Variants in EYA1 observed in about 807,000 individuals in gnomAD.
The protein encoded by EYA1 is protein phosphatase EYA1.
Under a neutral mutation model 82.0 loss-of-function variants are expected in EYA1, and 16 were observed. The observed-to-expected ratio is 0.20, with a 90% CI of 0.13 to 0.30. EYA1 has a LOEUF of 0.30. Ranked by LOEUF, EYA1 falls within the 10% of genes least tolerant of loss-of-function variation. EYA1 has a pLI of 1.00. For synonymous variants in EYA1, 261 were observed against 264.4 expected, an observed-to-expected ratio of 0.99 and a Z score of 0.12; for missense variants, 633 against 730.7, an observed-to-expected ratio of 0.87 and a Z score of 1.54.
chr8:71,370,326 G>T (rs1011484405), intron 2 of EYA1, among the ~76,000 whole-genome samples: 1 of 150,020 alleles, frequency 6.7e-6, no homozygotes, highest in African/African-American at 2.5e-5. Flanking sequence ...AAGTTAGTTA[G>T]CTGGTCTATC....
chr8:71,256,770 TG>T (rs1205291651), intron 11 of EYA1, among the ~76,000 whole-genome samples: 2 of 152,108 alleles, frequency 1.3e-5, no homozygotes, highest in Admixed American at 1.3e-4. Context: ...GAGGCCAAGG[TG>T]GGTGGATCAC....
chr8:71,322,209 A>G lies in EYA1; in HGVS notation c.262T>C (p.Tyr88His), dbSNP rs534707284. 2 of 1,613,320 alleles carry G rather than the reference A, an allele frequency of 1.2e-6. No homozygotes were observed. The highest frequency in any genetic ancestry group is 1.7e-5 in the Admixed American group (1 of 60,028). Residue 88 changes from tyrosine (Y) to histidine (H), a missense_variant, in exon 5 of 18, where the codon TAC (tyrosine) becomes CAC (histidine). By Grantham distance (83) the Tyr-to-His change is moderately conservative (BLOSUM62 2). Coordinates refer to ENST00000340726, the MANE Select transcript of EYA1 (RefSeq NM_000503.6). ...GAAAATACATCTTACTTGGAAGGGT[A>G]AATCTGTGGTGGAGAGAACTGGTGA... The part of the protein sequence containing the change: ...PTHQFSPPQI[Y>H]PSNRPYPHIL...
chr8:71,212,890 A>G (rs1213540108), intron 16 of EYA1, among the ~76,000 whole-genome samples: 1 of 152,172 alleles, frequency 6.6e-6, no homozygotes, highest in African/African-American at 2.4e-5. Flanking sequence ...CAGCCTGGCT[A>G]ACATGGAGAA....
At chr8:71,448,932 A>G (rs1807123450) in intron 2 of EYA1, 1 of 165,692 alleles carries the variant, frequency 6.0e-6, no homozygotes, top group Non-Finnish European at 1.5e-5. Context: ...AAACATCAGT[A>G]AAGTAGTTCT....
At chr8:71,528,224 T>A (rs1293148684) in intron 2 of EYA1, among the ~76,000 whole-genome samples, 4 of 152,148 alleles carry the variant, frequency 2.6e-5, no homozygotes, top group African/African-American at 9.7e-5. Context: ...GCAATTTTCA[T>A]CTTTGTCACA....
At chr8:71,487,291 C>T (rs941451431) in intron 2 of EYA1, among the ~76,000 whole-genome samples, 4 of 152,124 alleles carry the variant, frequency 2.6e-5, no homozygotes, top group African/African-American at 9.7e-5. Context: ...CATTCTCAGG[C>T]TCAGTTTCAT....
intron 2 of EYA1, among the ~76,000 whole-genome samples, chr8:71,432,033 A>G (rs925588897): frequency 6.6e-6 from 1 of 152,204 alleles, no homozygotes; most frequent in Non-Finnish European, 1.5e-5. Context: ...TCAGTTACAC[A>G]AGATTTTCAA....
intron 16 of EYA1, among the ~76,000 whole-genome samples, chr8:71,215,044 C>T (rs4738117): frequency 0.45 from 68,833 of 151,954 alleles, 17,722 homozygotes; most frequent in East Asian, 0.76. Context: ...TTTTATAATT[C>T]TATCTTGCTG....
chr8:71,417,677 G>A (rs920024111), intron 2 of EYA1, among the ~76,000 whole-genome samples: 2 of 152,166 alleles, frequency 1.3e-5, no homozygotes, highest in African/African-American at 4.8e-5. Flanking sequence ...AAGGGTTCCT[G>A]CTGAACACTG....
At chr8:71,427,419 A>C in intron 2 of EYA1, among the ~76,000 whole-genome samples, 1 of 152,254 alleles carries the variant, frequency 6.6e-6, no homozygotes, top group East Asian at 1.9e-4. Flanking sequence ...CCCAGGCATC[A>C]AACCAAAATA....
chr8:71,408,161 C>G (rs1345457542), intron 2 of EYA1, among the ~76,000 whole-genome samples: 1 of 151,932 alleles, frequency 6.6e-6, no homozygotes, highest in Non-Finnish European at 1.5e-5. Flanking sequence ...ACTTTACAGA[C>G]AAGCAAATGC....
At chr8:71,424,291 T>A (rs1474378910) in intron 2 of EYA1, among the ~76,000 whole-genome samples, 8 of 152,218 alleles carry the variant, frequency 5.3e-5, no homozygotes, top group Non-Finnish European at 1.2e-4. Context: ...AGTTAATGTA[T>A]TTAATCCTAA....
intron 4 of EYA1, among the ~76,000 whole-genome samples, chr8:71,333,782 T>C (rs1452089399): frequency 1.3e-5 from 2 of 152,048 alleles, no homozygotes; most frequent in African/African-American, 2.4e-5. Context: ...AAATAATACA[T>C]CTAAGAGAGA....
intron 7 of EYA1, among the ~76,000 whole-genome samples, chr8:71,312,149 G>A (rs1563444969): frequency 6.6e-6 from 1 of 152,214 alleles, no homozygotes; most frequent in Admixed American, 6.5e-5. Flanking sequence ...AGAGCTTCAT[G>A]AATTGGTGTT....
At chr8:71,466,590 T>C (rs1478447003) in intron 2 of EYA1, among the ~76,000 whole-genome samples, 1 of 152,110 alleles carries the variant, frequency 6.6e-6, no homozygotes, top group Non-Finnish European at 1.5e-5. Flanking sequence ...TGTAGAGATA[T>C]AATCGTTAAT....
At chr8:71,222,849 C>T (rs1810102971) in intron 12 of EYA1, among the ~76,000 whole-genome samples, 1 of 152,192 alleles carries the variant, frequency 6.6e-6, no homozygotes, top group African/African-American at 2.4e-5. Flanking sequence ...CCTCTAGACA[C>T]TGGTCACGAC....
intron 12 of EYA1, among the ~76,000 whole-genome samples, chr8:71,235,334 G>C (rs545823042): frequency 3.7e-4 from 56 of 152,224 alleles, no homozygotes; most frequent in Admixed American, 7.2e-4. Flanking sequence ...GGACCCTGCC[G>C]CTCTTCCCTA....
At position 71,481,578 on chromosome 8, in the gene EYA1, C is replaced by T. The variant is rs182261969; in HGVS notation, c.33+54166G>A. Among the ~76,000 whole-genome samples, 9 of 152,216 alleles carry T rather than the reference C, an allele frequency of 5.9e-5. No individual in the cohort carries two copies. The East Asian group carries it at 1.4e-3, about 23-fold the overall frequency. Reference sequence around the variant, plus strand: ...TGCTGAATATGGGTATGAAAACAAACGAGATTGCTTTTGCTTTGTGGTATT... The same window carrying T: ...TGCTGAATATGGGTATGAAAACAAATGAGATTGCTTTTGCTTTGTGGTATT... On this transcript the variant is annotated intron_variant, in intron 2 of 18. Transcript: ENST00000643681.
intron 2 of EYA1, among the ~76,000 whole-genome samples, chr8:71,474,987 C>T (rs1809538617): frequency 6.6e-6 from 1 of 152,098 alleles, no homozygotes; most frequent in South Asian, 2.1e-4. Context: ...CAAAAATTAG[C>T]TGGACATGGT....
Sources: allele counts gnomAD v4.1 joint callset (sites outside exome capture counted in the v4.1 genomes callset), GRCh38; gene constraint gnomAD v4.1.1; transcripts MANE v1.5; gene names NCBI Gene and HGNC (gene_info 2026-07-23, HGNC 2026-07-21).